Variants in MBNL1 observed in about 807,000 individuals in gnomAD.
MBNL1 encodes the protein muscleblind-like protein 1.
Under a neutral mutation model 42.2 loss-of-function variants are expected in MBNL1, and 8 were observed. The observed-to-expected ratio is 0.19, with a 90% confidence interval of 0.11 to 0.34. MBNL1 has a LOEUF of 0.34. Among genes scored for constraint, MBNL1 ranks in the 10% least tolerant of loss-of-function variants. The pLI is 1.00. For synonymous variants in MBNL1, 169 were observed against 173.9 expected, an observed-to-expected ratio of 0.97 and a Z score of 0.22; for missense variants, 309 against 495.3, an observed-to-expected ratio of 0.62 and a Z score of 3.57.
In MBNL1 at chr3:152,255,193, A is replaced by T. The variant is rs117976418; in HGVS notation, n.333+10753A>T. The stretch of plus-strand genomic sequence containing the variant: ...CAAAATAATTTAGAACTGTACTTCC[A>T]GGTGTATTGATGGTTACAAGGCTCC... On this transcript the variant is annotated intron_variant and non_coding_transcript_variant, in intron 2 of 2. Transcript: ENST00000477171. 1.6e-4 allele frequency among the ~76,000 whole-genome samples: 25 copies of T among 152,260 alleles called. No individual in the cohort carries two copies. The East Asian group carries it at 4.8e-3, about 29-fold the overall frequency.
At chr3:152,285,632 T>TA (rs2051167584) in intron 1 of MBNL1, among the ~76,000 whole-genome samples, 1 of 149,078 alleles carries the variant, frequency 6.7e-6, no homozygotes, top group Non-Finnish European at 1.5e-5. Flanking sequence ...TTTTTCAATT[T>TA]TTTTTTTTTT....
chr3:152,304,679 C>T (rs747311535), intron 2 of MBNL1, among the ~76,000 whole-genome samples: 1 of 152,188 alleles, frequency 6.6e-6, no homozygotes, highest in Non-Finnish European at 1.5e-5. Flanking sequence ...TAAGGCATAA[C>T]CTGCGCAGCA....
chr3:152,331,624 G>A (rs777586208), intron 2 of MBNL1, among the ~76,000 whole-genome samples: 8 of 151,820 alleles, frequency 5.3e-5, no homozygotes, highest in South Asian at 2.1e-4. Context: ...AAAAGGAAGC[G>A]GACCCAGTAA....
chr3:152,272,184 G>C (rs537210263), intron 1 of MBNL1, among the ~76,000 whole-genome samples: 1 of 152,086 alleles, frequency 6.6e-6, no homozygotes, highest in East Asian at 1.9e-4. Context: ...TAAAGATTTT[G>C]CTGGTCAAAA....
intron 2 of MBNL1, among the ~76,000 whole-genome samples, chr3:152,351,154 T>G (rs2094931114): frequency 6.6e-6 from 1 of 152,060 alleles, no homozygotes; most frequent in East Asian, 1.9e-4. Flanking sequence ...AGTGGATATA[T>G]CCAAAGCCAG....
In MBNL1 at chr3:152,340,886, G is replaced by A. The variant is rs535926483; in HGVS notation, c.174+40519G>A. 1.7e-5 allele frequency: 28 copies of A among 1,612,274 alleles called. No individual in the cohort carries two copies. The South Asian group carries it at 3.1e-4, about 18-fold the overall frequency. The stretch of plus-strand genomic sequence containing the variant: ...CCAAGCCAGTATAAAGGCACCTGTG[G>A]GCCAGGGTCCATCTGCATTGTTCTC... On this transcript the variant is annotated intron_variant, in intron 2 of 9. Coordinates refer to ENST00000324210, the MANE Select transcript of MBNL1 (RefSeq NM_021038.5).
intron 2 of MBNL1, among the ~76,000 whole-genome samples, chr3:152,322,487 A>G (rs2077028258): frequency 6.6e-6 from 1 of 152,122 alleles, no homozygotes; most frequent in South Asian, 2.1e-4. Flanking sequence ...CCTTGTATAT[A>G]GAACACTAAA....
At position 152,455,560 on chromosome 3, in the gene MBNL1, C is replaced by T. The variant is rs1732002229; in HGVS notation, c.980C>T (p.Thr327Ile). 1.9e-6 allele frequency: 3 copies of T among 1,613,692 alleles called. No individual in the cohort carries two copies. Among genetic ancestry groups the T allele is most frequent in the Non-Finnish European group, 2.5e-6 (3 of 1,179,666 alleles). Residue 327 changes from threonine (T) to isoleucine (I), a missense_variant, in exon 7 of 10, where the codon ACA becomes ATA. Transcript: ENST00000324210. ...TGGGCAGGCTCAATATTGTGCATGACACCCGCTACAAGTGTTGGTAGGTGC... is the reference window on the plus strand; with the variant it reads ...TGGGCAGGCTCAATATTGTGCATGATACCCGCTACAAGTGTTGGTAGGTGC... ...FLPPGSILCM[T>I]PATSVVPMVH...
At chr3:152,354,548 C>T (rs1237178866) in intron 2 of MBNL1, among the ~76,000 whole-genome samples, 5 of 151,928 alleles carry the variant, frequency 3.3e-5, no homozygotes, top group East Asian at 1.9e-4. Context: ...TATTTGGGGT[C>T]TCTTCATTTT....
chr3:152,441,743 G>C (rs150858151), intron 4 of MBNL1, among the ~76,000 whole-genome samples: 248 of 152,280 alleles, frequency 1.6e-3, no homozygotes, highest in African/African-American at 5.5e-3. Context: ...TATATGTGTA[G>C]CTAAATAGAT....
intron 2 of MBNL1, chr3:152,340,446 T>C: frequency 6.7e-7 from 1 of 1,492,598 alleles, no homozygotes; most frequent in South Asian, 1.4e-5. Context: ...TCCATTTTTT[T>C]TTTAAGTAAA....
At chr3:152,416,680 A>G (rs903693789) in intron 3 of MBNL1, among the ~76,000 whole-genome samples, 3 of 152,252 alleles carry the variant, frequency 2.0e-5, no homozygotes, top group African/African-American at 7.2e-5. Flanking sequence ...GTGTGTTCCC[A>G]GATGGAAGAG....
intron 1 of MBNL1, among the ~76,000 whole-genome samples, chr3:152,283,629 G>A (rs2150480322): frequency 6.6e-6 from 1 of 152,258 alleles, no homozygotes; most frequent in Non-Finnish European, 1.5e-5. Context: ...TTGAATGGGT[G>A]AATTCCAATT....
intron 1 of MBNL1, among the ~76,000 whole-genome samples, chr3:152,297,788 C>T (rs530374603): frequency 1.6e-3 from 237 of 152,094 alleles, no homozygotes; most frequent in African/African-American, 5.6e-3. Flanking sequence ...TCCTGAGTAG[C>T]TGGGATTATA....
intron 2 of MBNL1, among the ~76,000 whole-genome samples, chr3:152,394,715 G>A (rs1380545825): frequency 6.6e-6 from 1 of 152,202 alleles, no homozygotes; most frequent in African/African-American, 2.4e-5. Context: ...TTACAGGCAT[G>A]ACAAGTACTA....
chr3:152,382,864 A>G (rs1347455674), intron 2 of MBNL1, among the ~76,000 whole-genome samples: 2 of 152,024 alleles, frequency 1.3e-5, no homozygotes, highest in Admixed American at 6.6e-5. Context: ...CTATAATGCT[A>G]CTTTATCTTG....
chr3:152,383,130 T>C (rs566748563), intron 2 of MBNL1, among the ~76,000 whole-genome samples: 1 of 152,218 alleles, frequency 6.6e-6, no homozygotes, highest in African/African-American at 2.4e-5. Context: ...CTAAAACTTA[T>C]CCGAATACTT....
intron 2 of MBNL1, among the ~76,000 whole-genome samples, chr3:152,379,439 A>C (rs2097082219): frequency 1.3e-5 from 2 of 152,166 alleles, no homozygotes; most frequent in South Asian, 4.1e-4. Flanking sequence ...AACTATTTTG[A>C]CTATGAGTTA....
At chr3:152,392,735 A>G (rs1031790357) in intron 2 of MBNL1, among the ~76,000 whole-genome samples, 3 of 152,238 alleles carry the variant, frequency 2.0e-5, no homozygotes, top group Non-Finnish European at 2.9e-5. Context: ...ATATATTACA[A>G]AAGCACCTTT....
Sources: gnomAD v4.1 joint callset for allele counts (sites outside exome capture counted in the v4.1 genomes callset) on GRCh38, gnomAD v4.1.1 for gene constraint, MANE v1.5 for transcripts, NCBI Gene and HGNC (gene_info 2026-07-23, HGNC 2026-07-21) for gene names.